GRIA4: variants seen among roughly 807,000 people sequenced by gnomAD.
GRIA4 encodes glutamate ionotropic receptor AMPA type subunit 4, also known as glutamate receptor 4.
GRIA4 carries 34 observed loss-of-function variants against 104.0 expected under a neutral mutation model. The ratio of observed to expected loss-of-function variants is 0.33; its 90% CI spans 0.25 to 0.44. The LOEUF is 0.44. GRIA4 is among the 20% of genes least tolerant of loss of function. GRIA4 has a pLI of 1.00. For synonymous variants in GRIA4, 386 were observed against 381.9 expected (o/e 1.01, Z -0.13); for missense variants, 750 against 1,096.5 (o/e 0.68, Z 4.46).
chr11:105,890,725 C>A (rs1049770806), intron 6 of GRIA4, among the ~76,000 whole-genome samples: 1 of 152,236 alleles, frequency 6.6e-6, no homozygotes, highest in African/African-American at 2.4e-5. Context: ...AGGGAGCTAA[C>A]ATCATCTGAA....
intron 14 of GRIA4, among the ~76,000 whole-genome samples, chr11:105,959,056 T>G (rs1315229259): frequency 6.6e-6 from 1 of 152,176 alleles, no homozygotes; most frequent in Non-Finnish European, 1.5e-5. Context: ...TTCCCTTCAT[T>G]TTGACCTTGG....
intron 5 of GRIA4, among the ~76,000 whole-genome samples, chr11:105,866,014 G>A (rs10791776): frequency 0.27 from 41,446 of 151,992 alleles, 5,654 homozygotes; most frequent in Non-Finnish European, 0.29. Flanking sequence ...GTAGTTGGAT[G>A]GTCTGCACTC....
intron 4 of GRIA4, among the ~76,000 whole-genome samples, chr11:105,852,651 T>C (rs1340313434): frequency 6.6e-6 from 1 of 152,208 alleles, no homozygotes; most frequent in Non-Finnish European, 1.5e-5. Context: ...AGCAATCAAA[T>C]GTATTCACTC....
At chr11:105,743,558 C>T (rs1455025845) in intron 3 of GRIA4, among the ~76,000 whole-genome samples, 1 of 152,146 alleles carries the variant, frequency 6.6e-6, no homozygotes, top group Non-Finnish European at 1.5e-5. Context: ...CTCATGTTGA[C>T]TTTCACAGTC....
chr11:105,642,388 T>C (rs773009536), intron 3 of GRIA4, among the ~76,000 whole-genome samples: 3 of 152,072 alleles, frequency 2.0e-5, no homozygotes, highest in Non-Finnish European at 4.4e-5. Context: ...TTAAATATTA[T>C]GGTGAAATTC....
intron 4 of GRIA4, among the ~76,000 whole-genome samples, chr11:105,811,581 G>GA (rs1199641491): frequency 2.0e-5 from 3 of 151,998 alleles, no homozygotes; most frequent in Admixed American, 6.6e-5. Context: ...TTAATGTTTT[G>GA]AAAAAAATGA....
chr11:105,639,002 A>T (rs1285037299), intron 3 of GRIA4, among the ~76,000 whole-genome samples: 1 of 152,132 alleles, frequency 6.6e-6, no homozygotes, highest in African/African-American at 2.4e-5. Flanking sequence ...TTAAATACTC[A>T]ATATTTCAGT....
chr11:105,824,177 C>A (rs1943680309), intron 4 of GRIA4, among the ~76,000 whole-genome samples: 1 of 152,024 alleles, frequency 6.6e-6, no homozygotes, highest in African/African-American at 2.4e-5. Context: ...CTTAGCAGAC[C>A]AATACAGTAG....
At chr11:105,978,714 C>T (rs1334689191) in intron 16 of GRIA4, among the ~76,000 whole-genome samples, 1 of 152,152 alleles carries the variant, frequency 6.6e-6, no homozygotes, top group Non-Finnish European at 1.5e-5. Flanking sequence ...GGAATCACTC[C>T]TTTACCCTAT....
chr11:105,866,551 G>GTATATATGTATATATATATA lies in GRIA4; in HGVS notation c.672+4350_672+4351insGTATATATATATATATATAT, dbSNP rs1945423573. ...TATACGCATATGTGTGTGTGTGTGT[G>GTATATATGTATATATATATA]TATATATATATATATATATATATAT... is the stretch of plus-strand genomic sequence containing the variant. On this transcript the variant is annotated intron_variant, in intron 5 of 16. Coordinates refer to ENST00000282499, the MANE Select transcript of GRIA4 (RefSeq NM_000829.4). Among the ~76,000 whole-genome samples the GTATATATGTATATATATATA allele has an allele frequency of 5.2e-5, 4 of 76,716 alleles. No homozygotes were observed. In the South Asian group the frequency reaches 1.5e-3, roughly 29 times the overall value. 50.3% of individuals were successfully genotyped at this position (76,716 alleles called of 152,430 possible).
rs181721155 is a variant in GRIA4 at position 105,943,094 on chromosome 11, C to T, written c.2294+9125C>T. ...TTGAAGTTGCAGACACTTAATAAGA[C>T]GGAGAAAAAATTCACCCTCAGAACT... is the stretch of plus-strand genomic sequence containing the variant. On this transcript the variant is annotated intron_variant, in intron 14 of 16. Coordinates refer to ENST00000282499, the MANE Select transcript of GRIA4 (RefSeq NM_000829.4). 3.6e-3 allele frequency among the ~76,000 whole-genome samples: 551 copies of T among 152,122 alleles called. 2 individuals are homozygous for T. Among genetic ancestry groups the T allele is most frequent in the Non-Finnish European group, 5.9e-3 (402 of 67,960 alleles).
chr11:105,817,277 C>A (rs1490625982), intron 4 of GRIA4, among the ~76,000 whole-genome samples: 1 of 149,820 alleles, frequency 6.7e-6, no homozygotes, highest in Non-Finnish European at 1.5e-5. Context: ...ATCACAAAAG[C>A]AACATTCTAG....
chr11:105,776,628 G>C (rs2135756987), intron 4 of GRIA4, among the ~76,000 whole-genome samples: 1 of 152,202 alleles, frequency 6.6e-6, no homozygotes, highest in African/African-American at 2.4e-5. Flanking sequence ...ATATATCTCA[G>C]ATCTCACCTG....
intron 3 of GRIA4, among the ~76,000 whole-genome samples, chr11:105,728,127 C>A (rs1379404392): frequency 6.6e-6 from 1 of 152,118 alleles, no homozygotes; most frequent in Non-Finnish European, 1.5e-5. Flanking sequence ...ATTCAGGAGA[C>A]CCATGTCATG....
At chr11:105,887,178 C>G (rs1286256669) in intron 5 of GRIA4, among the ~76,000 whole-genome samples, 3 of 152,002 alleles carry the variant, frequency 2.0e-5, no homozygotes, top group Non-Finnish European at 2.9e-5. Context: ...CATCTAAATT[C>G]TTCGGATGAA....
At chr11:105,824,481 C>T (rs1943692780) in intron 4 of GRIA4, among the ~76,000 whole-genome samples, 1 of 152,092 alleles carries the variant, frequency 6.6e-6, no homozygotes, top group African/African-American at 2.4e-5. Context: ...CCCCAATATT[C>T]ACAATAGCGT....
intron 3 of GRIA4, among the ~76,000 whole-genome samples, chr11:105,621,027 A>G (rs1950730867): frequency 1.3e-5 from 2 of 151,740 alleles, no homozygotes; most frequent in Non-Finnish European, 3.0e-5. Context: ...ACTTAAGAAA[A>G]CTGTTGATAT....
At chr11:105,644,661 A>G (rs1951473965) in intron 3 of GRIA4, among the ~76,000 whole-genome samples, 1 of 152,154 alleles carries the variant, frequency 6.6e-6, no homozygotes, top group Non-Finnish European at 1.5e-5. Context: ...TTTTTAGAAA[A>G]TCAAAATTGT....
chr11:105,823,514 G>A (rs1330249662), intron 4 of GRIA4, among the ~76,000 whole-genome samples: 1 of 152,060 alleles, frequency 6.6e-6, no homozygotes. Flanking sequence ...ACATTTTGCA[G>A]AATTGAGTGG....
Sources: gnomAD v4.1 joint callset for allele counts (sites outside exome capture counted in the v4.1 genomes callset) on GRCh38, gnomAD v4.1.1 for gene constraint, MANE v1.5 for transcripts, NCBI Gene and HGNC (gene_info 2026-07-23, HGNC 2026-07-21) for gene names.